The following FAM167A variants were observed in gnomAD, a reference collection of about 807,000 sequenced individuals.
FAM167A encodes family with sequence similarity 167 member A, also known as protein FAM167A.
FAM167A carries 23 observed loss-of-function variants against 14.9 expected under a neutral mutation model. The observed-to-expected ratio is 1.55, with a 90% CI of 1.11 to 2.19. The LOEUF is 2.19. FAM167A is among the 30% of genes most tolerant of loss of function. FAM167A has a pLI of 0.00. For missense variants in FAM167A, 401 were observed against 281.5 expected, an observed-to-expected ratio of 1.42 and a Z score of -3.04; for synonymous variants, 174 against 117.7, an observed-to-expected ratio of 1.48 and a Z score of -3.10.
At chr8:11,438,705 C>T (rs555857331) in intron 2 of FAM167A, 18 of 370,290 alleles carry the variant, frequency 4.9e-5, no homozygotes, top group South Asian at 1.7e-4. Context: ...GTAACCCCCA[C>T]GAGGCCGTAT....
Position 11,421,541 on chromosome 8 carries a change from G to A in FAM167A, c.*2832C>T. 2.5e-6 allele frequency: 1 copy of A among 394,314 alleles called. No individual in the cohort carries two copies. 24.4% of individuals were successfully genotyped at this position (394,314 alleles called of 1,614,324 possible). On this transcript the variant is annotated 3_prime_UTR_variant, in exon 3 of 3. Coordinates refer to ENST00000284486, the MANE Select transcript of FAM167A (RefSeq NM_053279.3). The stretch of plus-strand genomic sequence containing the variant: ...TTTCACTTTTTCTAACAGCAATATA[G>A]AAACAAATAATCATAAAAAATAAAA...
intron 2 of FAM167A, among the ~76,000 whole-genome samples, chr8:11,438,955 G>C (rs1027720264): frequency 6.6e-6 from 1 of 152,234 alleles, no homozygotes; most frequent in African/African-American, 2.4e-5. Context: ...ATGAGGCAGT[G>C]CTAGCAACCT....
At chr8:11,441,828 C>T (rs959612269) in intron 2 of FAM167A, among the ~76,000 whole-genome samples, 57 of 152,172 alleles carry the variant, frequency 3.7e-4, no homozygotes, top group African/African-American at 1.4e-3. Flanking sequence ...TCTCTGCCCC[C>T]ACCCCCATGC....
At position 11,422,900 on chromosome 8, in the gene FAM167A, A is replaced by G. The variant is rs1259377260; in HGVS notation, c.*1473T>C. The G allele has an allele frequency of 6.6e-6, 1 of 152,610 alleles. No homozygotes were observed. The highest frequency in any genetic ancestry group is 2.4e-5 in the African/African-American group (1 of 41,442). The allele number at this position is 152,610 out of a possible 1,614,324, so 9.5% of individuals were successfully genotyped here. A position where few individuals can be genotyped will look rare whatever the true frequency, so the allele number is the denominator to read the frequency against. ...CTTGACCCAAATGTTCTGAATTGCA[A>G]TACTCTGGGAGATGTGGGTGGGGGC... On this transcript the variant is annotated 3_prime_UTR_variant, in exon 3 of 3. Transcript: ENST00000284486.
chr8:11,422,604 T>G lies in FAM167A; in HGVS notation c.*1769A>C, dbSNP rs985343109. 7 of 152,594 alleles carry G rather than the reference T, an allele frequency of 4.6e-5. No individual in the cohort carries two copies. The highest frequency in any genetic ancestry group is 1.4e-4 in the African/African-American group (6 of 41,456). The allele number at this position is 152,594 out of a possible 1,614,324, so 9.5% of individuals were successfully genotyped here. A position where few individuals can be genotyped will look rare whatever the true frequency, so the allele number is the denominator to read the frequency against. On this transcript the variant is annotated 3_prime_UTR_variant, in exon 3 of 3. Transcript: ENST00000284486. ...TGTTCTGCCTACTTTGAAGGAGGCA[T>G]AGAACTTCTGGCTCTTTGAAATTTT...
chr8:11,421,756 G>A lies in FAM167A; in HGVS notation c.*2617C>T, dbSNP rs966308165. The stretch of plus-strand genomic sequence containing the variant: ...GGAGAGTTTGCGTTTTACACCCAGC[G>A]ATGCTTGGGGATGGCAGAGAGATGG... On this transcript the variant is annotated 3_prime_UTR_variant, in exon 3 of 3. Transcript: ENST00000284486. 1 of 399,024 alleles carries A rather than the reference G, an allele frequency of 2.5e-6. No individual in the cohort carries two copies. Among genetic ancestry groups the A allele is most frequent in the Non-Finnish European group, 4.4e-6 (1 of 226,086 alleles). The allele number at this position is 399,024 out of a possible 1,614,324, so 24.7% of individuals were successfully genotyped here.
intron 2 of FAM167A, among the ~76,000 whole-genome samples, chr8:11,425,683 T>G (rs1379112010): frequency 6.6e-6 from 1 of 152,034 alleles, no homozygotes; most frequent in Non-Finnish European, 1.5e-5. Flanking sequence ...CCCTTGCTGT[T>G]GGAGTTTAGG....
intron 1 of FAM167A, among the ~76,000 whole-genome samples, chr8:11,447,367 G>A (rs559400633): frequency 6.6e-6 from 1 of 152,070 alleles, no homozygotes; most frequent in African/African-American, 2.4e-5. Flanking sequence ...ATTTTTAGTA[G>A]AGACAAGGTT....
intron 1 of FAM167A, among the ~76,000 whole-genome samples, chr8:11,473,281 G>A (rs544662480): frequency 6.6e-6 from 1 of 152,298 alleles, no homozygotes; most frequent in African/African-American, 2.4e-5. Context: ...GATGAACACT[G>A]GTGTGGGGGG....
At chr8:11,462,278 G>A (rs1807573036) in intron 1 of FAM167A, among the ~76,000 whole-genome samples, 2 of 152,218 alleles carry the variant, frequency 1.3e-5, no homozygotes, top group African/African-American at 2.4e-5. Flanking sequence ...TTGGTTGACA[G>A]CCAGCCTGCC....
At chr8:11,440,722 C>T (rs915092063) in intron 2 of FAM167A, among the ~76,000 whole-genome samples, 7 of 152,238 alleles carry the variant, frequency 4.6e-5, no homozygotes, top group African/African-American at 1.4e-4. Context: ...TCCTTGGCCA[C>T]GTGAGAACAA....
chr8:11,424,342 C>A lies in FAM167A; in HGVS notation c.*31G>T, dbSNP rs368537961. 48 of 1,611,558 alleles carry A rather than the reference C, an allele frequency of 3.0e-5. No individual in the cohort carries two copies. In the African/African-American group the frequency reaches 5.7e-4, roughly 19 times the overall value. On this transcript the variant is annotated 3_prime_UTR_variant, in exon 3 of 3. Transcript: ENST00000284486. ...ACACCCCTCCAGCCCAAGCCCTCCG[C>A]TCCAGCCCCTCCGCCCAGTCTGAGG...
At chr8:11,453,742 T>G (rs1040367666) in intron 1 of FAM167A, among the ~76,000 whole-genome samples, 3 of 151,978 alleles carry the variant, frequency 2.0e-5, no homozygotes, top group African/African-American at 7.2e-5. Context: ...CAGCTCTGTC[T>G]TGGTTCTGTG....
chr8:11,424,340 C>G lies in FAM167A; in HGVS notation c.*33G>C. ...TGACACCCCTCCAGCCCAAGCCCTCCGCTCCAGCCCCTCCGCCCAGTCTGA... is the reference window on the plus strand; with the variant it reads ...TGACACCCCTCCAGCCCAAGCCCTCGGCTCCAGCCCCTCCGCCCAGTCTGA... On this transcript the variant is annotated 3_prime_UTR_variant, in exon 3 of 3. Coordinates refer to ENST00000284486, the MANE Select transcript of FAM167A (RefSeq NM_053279.3). 1 of 1,608,848 alleles carries G rather than the reference C, an allele frequency of 6.2e-7. No homozygotes were observed. The highest frequency in any genetic ancestry group is 8.5e-7 in the Non-Finnish European group (1 of 1,175,814).
At chr8:11,450,479 T>C (rs1173859493) in intron 1 of FAM167A, among the ~76,000 whole-genome samples, 1 of 152,138 alleles carries the variant, frequency 6.6e-6, no homozygotes, top group East Asian at 1.9e-4. Context: ...CCACAGAGCT[T>C]ATAAGTGGTG....
In FAM167A at chr8:11,422,372, G is replaced by GT. The variant is rs1563350129; in HGVS notation, c.*2000_*2001insA. On this transcript the variant is annotated 3_prime_UTR_variant, in exon 3 of 3. Coordinates refer to ENST00000284486, the MANE Select transcript of FAM167A (RefSeq NM_053279.3). ...TTCTCTGTCGTGTGTGTGTGTGTGG[G>GT]GGTGTGTGTGTGTGTGTGTGTGTGT... 118 of 107,848 alleles carry GT rather than the reference G, an allele frequency of 1.1e-3. No homozygotes were observed. The highest frequency in any genetic ancestry group is 2.0e-3 in the African/African-American group (39 of 19,756). 6.7% of individuals were successfully genotyped at this position (107,848 alleles called of 1,614,324 possible). A position where few individuals can be genotyped will look rare whatever the true frequency, so the allele number is the denominator to read the frequency against.
At chr8:11,424,792 C>T (rs1282394034) in intron 2 of FAM167A, among the ~76,000 whole-genome samples, 156 bp from the exon 3 acceptor site, 2 of 151,956 alleles carry the variant, frequency 1.3e-5, no homozygotes, top group Non-Finnish European at 2.9e-5. Context: ...TGAAAAGACA[C>T]AGAAAGCAAG....
At chr8:11,466,863 C>A (rs1246090733), upstream of FAM167A, 1 of 152,242 alleles carries the variant, frequency 6.6e-6, no homozygotes, top group Non-Finnish European at 1.5e-5. Flanking sequence ...CGATCCCGGC[C>A]TCGCGTTCTC....
chr8:11,443,980 G>C (rs755436348), intron 2 of FAM167A, 51 bp downstream of exon 2: 1 of 1,562,838 alleles, frequency 6.4e-7, no homozygotes, highest in Admixed American at 1.8e-5. Flanking sequence ...AAGACACAGA[G>C]AGACGGTGGC....
Sources: allele counts gnomAD v4.1 joint callset (sites outside exome capture counted in the v4.1 genomes callset), GRCh38; gene constraint gnomAD v4.1.1; transcripts MANE v1.5; gene names NCBI Gene and HGNC (gene_info 2026-07-23, HGNC 2026-07-21).